The following PBRM1 variants were observed in gnomAD, a reference collection of about 807,000 sequenced individuals.
The protein encoded by PBRM1 is polybromo 1.
PBRM1 carries 27 observed loss-of-function variants against 194.5 expected under a neutral mutation model. The observed-to-expected ratio is 0.14, with a 90% confidence interval of 0.10 to 0.19. The LOEUF (loss-of-function observed/expected upper bound fraction) is 0.19, where lower values mean the gene tolerates loss of function less well. PBRM1 is among the 10% of genes least tolerant of loss of function. PBRM1 has a pLI of 1.00. For missense variants in PBRM1, 1,466 were observed against 2,077.2 expected (o/e 0.71, Z 5.72); for synonymous variants, 655 against 693.2 (o/e 0.94, Z 0.87).
intron 15 of PBRM1, among the ~76,000 whole-genome samples, chr3:52,611,590 G>T (rs888333487): frequency 6.6e-6 from 1 of 152,086 alleles, no homozygotes; most frequent in Non-Finnish European, 1.5e-5. Context: ...GATCACTTGA[G>T]CCCAGGAGTT....
rs144403627 is a variant in PBRM1, at chr3:52,550,149, C to T, written c.4897+272G>A. On this transcript the variant is annotated intron_variant, in intron 29 of 29. Coordinates refer to ENST00000296302, the Ensembl canonical transcript of PBRM1. ...AGAAGAATCAGTTGAACCTGGAAGGCGGAGACTGCAGTGAGCCAAGATCGC... is the reference window on the plus strand; with the variant it reads ...AGAAGAATCAGTTGAACCTGGAAGGTGGAGACTGCAGTGAGCCAAGATCGC... Among the ~76,000 whole-genome samples, 290 of 152,208 alleles carry T rather than the reference C, an allele frequency of 1.9e-3. 1 individual carries two copies. Among genetic ancestry groups the T allele is most frequent in the African/African-American group, 6.1e-3 (254 of 41,528 alleles).
chr3:52,615,371 G>T, exon 15 of PBRM1: 1 of 1,608,172 alleles, frequency 6.2e-7, no homozygotes, highest in Non-Finnish European at 8.5e-7. Context: ...TTTGGGAGAA[G>T]CCATGTCATC....
chr3:52,569,778 T>C (rs539507676), intron 22 of PBRM1, among the ~76,000 whole-genome samples: 4 of 152,348 alleles, frequency 2.6e-5, no homozygotes, highest in Non-Finnish European at 4.4e-5. Context: ...TTTAAGATAA[T>C]AGGTTTGTTA....
intron 27 of PBRM1, chr3:52,551,816 T>C (rs1340672917): frequency 6.6e-6 from 1 of 152,194 alleles, no homozygotes; most frequent in East Asian, 1.9e-4. Context: ...ATCGTAATAT[T>C]TTGTCCAGGC....
At chr3:52,679,495 G>C (rs760943511) in intron 1 of PBRM1, 79 bp downstream of exon 2, 37 of 1,330,946 alleles carry the variant, frequency 2.8e-5, no homozygotes, top group Non-Finnish European at 3.8e-5. Flanking sequence ...GCCTTGCATC[G>C]TAACAATTTT....
Position 52,597,773 on chromosome 3 carries a change from G to A in PBRM1, c.2779+5748C>T, listed in dbSNP as rs556093576. On this transcript the variant is annotated intron_variant, in intron 17 of 29. Coordinates refer to ENST00000296302, the Ensembl canonical transcript of PBRM1. ...GGCTGGAGTGCAGTAGCACAATCTC[G>A]GCTCACTGCAACCTCTGCCTCCCAG... Among the ~76,000 whole-genome samples the A allele has an allele frequency of 2.6e-5, 4 of 151,890 alleles. No individual in the cohort carries two copies. The East Asian group carries it at 5.9e-4, about 22-fold the overall frequency.
At chr3:52,572,445 G>C (rs1439489145) in intron 22 of PBRM1, among the ~76,000 whole-genome samples, 1 of 152,014 alleles carries the variant, frequency 6.6e-6, no homozygotes, top group Non-Finnish European at 1.5e-5. Flanking sequence ...TGATCTCAGC[G>C]CACTGCAACC....
At chr3:52,606,155 A>C (rs1202487537) in intron 16 of PBRM1, among the ~76,000 whole-genome samples, 4 of 151,980 alleles carry the variant, frequency 2.6e-5, no homozygotes, top group African/African-American at 7.2e-5. Context: ...TATGTCACCA[A>C]GCTTGGCTGA....
At chr3:52,638,501 G>A (rs1010980193) in intron 10 of PBRM1, among the ~76,000 whole-genome samples, 5 of 152,026 alleles carry the variant, frequency 3.3e-5, no homozygotes, top group African/African-American at 9.7e-5. Flanking sequence ...TGGGATTACA[G>A]GCGTGCACCA....
chr3:52,680,368 C>G (rs2097182623), upstream of PBRM1, among the ~76,000 whole-genome samples: 1 of 152,210 alleles, frequency 6.6e-6, no homozygotes. Flanking sequence ...CCCTGGAAAA[C>G]ACTTAATGAG....
At chr3:52,576,732 TA>T (rs1471993520) in intron 21 of PBRM1, 34 bp from the exon 24 acceptor site, 2 of 1,517,072 alleles carry the variant, frequency 1.3e-6, no homozygotes, top group African/African-American at 2.8e-5. Flanking sequence ...TACATTAAAA[TA>T]GTTTCCTTCT....
chr3:52,658,367 A>G (rs763349244), intron 4 of PBRM1, 52 bp from the exon 6 acceptor site: 12 of 946,250 alleles, frequency 1.3e-5, no homozygotes, highest in Non-Finnish European at 1.5e-5. Context: ...AAAATGCTGA[A>G]TATTACATAG....
intron 16 of PBRM1, among the ~76,000 whole-genome samples, chr3:52,605,995 T>C (rs1457675066): frequency 6.6e-6 from 1 of 151,660 alleles, no homozygotes; most frequent in Non-Finnish European, 1.5e-5. Flanking sequence ...AAGACACCCC[T>C]GAAACACTTT....
intron 13 of PBRM1, among the ~76,000 whole-genome samples, chr3:52,617,964 T>C (rs1243566530): frequency 3.3e-5 from 5 of 152,214 alleles, no homozygotes. Flanking sequence ...CAAAACAAAA[T>C]AAAAAACCTA....
intron 11 of PBRM1, among the ~76,000 whole-genome samples, chr3:52,633,059 CAATT>C (rs1433469604): frequency 6.6e-6 from 1 of 152,088 alleles, no homozygotes; most frequent in African/African-American, 2.4e-5. Flanking sequence ...TAATGCTATG[CAATT>C]AATATGACCA....
chr3:52,607,796 G>C (rs1015423186), intron 16 of PBRM1, among the ~76,000 whole-genome samples: 1 of 152,148 alleles, frequency 6.6e-6, no homozygotes, highest in African/African-American at 2.4e-5. Context: ...TTGACTGCAA[G>C]ATGTCCCTCC....
At chr3:52,603,417 T>C (rs2153345156) in intron 17 of PBRM1, 104 bp downstream of exon 19, 3 of 1,171,804 alleles carry the variant, frequency 2.6e-6, no homozygotes, top group South Asian at 1.5e-5. Flanking sequence ...GTCAATACCC[T>C]GAGTTTTCAT....
intron 22 of PBRM1, among the ~76,000 whole-genome samples, chr3:52,569,445 C>T (rs750444197): frequency 1.3e-5 from 2 of 151,998 alleles, no homozygotes; most frequent in East Asian, 1.9e-4. Flanking sequence ...CTCCTGACCT[C>T]GTGATCCGCC....
At chr3:52,594,194 T>TA (rs2093361627) in intron 17 of PBRM1, among the ~76,000 whole-genome samples, 1 of 152,162 alleles carries the variant, frequency 6.6e-6, no homozygotes, top group African/African-American at 2.4e-5. Context: ...TTTTCTTTTT[T>TA]TATTGTGTGG....
Sources: allele counts gnomAD v4.1 joint callset (sites outside exome capture counted in the v4.1 genomes callset), GRCh38; gene constraint gnomAD v4.1.1; transcripts MANE v1.5; gene names NCBI Gene and HGNC (gene_info 2026-07-23, HGNC 2026-07-21).